The following KIAA1217 variants were observed in gnomAD, a reference collection of about 807,000 sequenced individuals.
KIAA1217 encodes KIAA1217, also known as sickle tail protein homolog.
In KIAA1217, 88 loss-of-function variants were observed where a neutral mutation model predicts 163.9. The ratio of observed to expected loss-of-function variants is 0.54; its 90% CI spans 0.45 to 0.64. KIAA1217 has a LOEUF of 0.64. Ranked by LOEUF, KIAA1217 falls within the 30% of genes least tolerant of loss-of-function variation. The probability of loss-of-function intolerance (pLI) is 0.00; values close to 1 mark genes in which losing one functional copy is unlikely to be tolerated. For synonymous variants in KIAA1217, 903 were observed against 923.1 expected, an observed-to-expected ratio of 0.98 and a Z score of 0.39; for missense variants, 2,372 against 2,475.0, an observed-to-expected ratio of 0.96 and a Z score of 0.88.
chr10:24,352,205 A>T (rs1439136073), intron 2 of KIAA1217, among the ~76,000 whole-genome samples: 2 of 152,240 alleles, frequency 1.3e-5, no homozygotes, highest in Non-Finnish European at 2.9e-5. Flanking sequence ...GCATTGGATT[A>T]AGCTTTCACC....
chr10:23,965,189 A>G, intron 1 of KIAA1217, among the ~76,000 whole-genome samples: 1 of 152,240 alleles, frequency 6.6e-6, no homozygotes, highest in East Asian at 1.9e-4. Context: ...GTATAATTTT[A>G]GAATGTTGTT....
chr10:24,287,119 C>T (rs550039511), intron 2 of KIAA1217, among the ~76,000 whole-genome samples: 6 of 151,622 alleles, frequency 4.0e-5, no homozygotes, highest in African/African-American at 7.3e-5. Flanking sequence ...GGTGTGATCT[C>T]GGCTCACTGC....
chr10:24,494,271 G>A (rs535554543), intron 6 of KIAA1217, among the ~76,000 whole-genome samples: 4 of 152,280 alleles, frequency 2.6e-5, no homozygotes, highest in South Asian at 4.1e-4. Flanking sequence ...GAGTTGGTCC[G>A]TGCTGTGTCT....
intron 2 of KIAA1217, among the ~76,000 whole-genome samples, chr10:24,086,843 C>A (rs1471175792): frequency 1.3e-5 from 2 of 152,160 alleles, no homozygotes; most frequent in Non-Finnish European, 2.9e-5. Context: ...CATGGGGTAA[C>A]CTTGACCCAG....
chr10:24,507,211 G>A (rs2068486836), intron 9 of KIAA1217, among the ~76,000 whole-genome samples: 1 of 152,188 alleles, frequency 6.6e-6, no homozygotes, highest in African/African-American at 2.4e-5. Context: ...TGGACTGTCT[G>A]CCAGAGAAAG....
intron 1 of KIAA1217, among the ~76,000 whole-genome samples, chr10:23,852,550 A>G (rs529144472): frequency 9.1e-4 from 138 of 152,320 alleles, no homozygotes; most frequent in African/African-American, 3.3e-3. Flanking sequence ...AATTCTGTGA[A>G]GAAAGCCATT....
chr10:24,505,083 T>C (rs930631196), intron 9 of KIAA1217, among the ~76,000 whole-genome samples: 8 of 152,044 alleles, frequency 5.3e-5, no homozygotes, highest in Admixed American at 2.6e-4. Flanking sequence ...CACTGGTGAC[T>C]CTAGAACATT....
intron 2 of KIAA1217, among the ~76,000 whole-genome samples, chr10:24,310,816 G>T (rs2042603838): frequency 6.6e-6 from 1 of 152,118 alleles, no homozygotes; most frequent in Non-Finnish European, 1.5e-5. Flanking sequence ...GGGCAACTTG[G>T]TGAAAACCCA....
chr10:23,724,210 G>A (rs1838014555), intron 1 of KIAA1217, among the ~76,000 whole-genome samples: 1 of 152,148 alleles, frequency 6.6e-6, no homozygotes, highest in Non-Finnish European at 1.5e-5. Context: ...TTAGATGTGA[G>A]ATTTGGGCAG....
Position 24,380,877 on chromosome 10 carries a change from C to A in KIAA1217, c.363C>A (p.Ser121Arg). 6.5e-7 allele frequency: 1 copy of A among 1,529,102 alleles called. No homozygotes were observed. The highest frequency in any genetic ancestry group is 8.8e-7 in the Non-Finnish European group (1 of 1,135,802). The allele number at this position is 1,529,102 out of a possible 1,614,324, so 94.7% of individuals were successfully genotyped here. A position where few individuals can be genotyped will look rare whatever the true frequency, so the allele number is the denominator to read the frequency against. ...HQERLRDQTR[S>R]PKLSHSPQPP... The stretch of plus-strand genomic sequence containing the variant: ...TAAAATGCCTTTTGCAGACAAGGAG[C>A]CCCAAACTGTCTCACAGTCCTCAAC... Residue 121 changes from serine to arginine, a missense_variant, in exon 3 of 21, where the codon AGC (serine) becomes AGA (arginine). Coordinates refer to ENST00000376454, the MANE Select transcript of KIAA1217 (RefSeq NM_019590.5).
intron 1 of KIAA1217, among the ~76,000 whole-genome samples, chr10:23,802,493 A>G (rs142002209): frequency 0.012 from 1,761 of 152,304 alleles, 13 homozygotes; most frequent in Middle Eastern, 0.075. Flanking sequence ...TTGTACACCC[A>G]GGTGTCTGAT....
chr10:24,337,587 G>T (rs970699281), intron 2 of KIAA1217, among the ~76,000 whole-genome samples: 1 of 144,326 alleles, frequency 6.9e-6, no homozygotes, highest in Non-Finnish European at 1.5e-5. Flanking sequence ...GTTTTGTGTG[G>T]TTTTTTTCTT....
At chr10:24,477,361 C>T (rs1379770727) in intron 6 of KIAA1217, among the ~76,000 whole-genome samples, 2 of 152,146 alleles carry the variant, frequency 1.3e-5, no homozygotes, top group Admixed American at 6.5e-5. Flanking sequence ...AACTGAGGCT[C>T]AGAGAGGTTA....
chr10:24,220,225 G>T (rs773756550), intron 2 of KIAA1217, among the ~76,000 whole-genome samples: 2 of 152,142 alleles, frequency 1.3e-5, no homozygotes, highest in African/African-American at 4.8e-5. Context: ...CATCTAAAGT[G>T]CAGGGAATGA....
chr10:24,249,872 A>C (rs548879304), intron 2 of KIAA1217, among the ~76,000 whole-genome samples: 1 of 152,058 alleles, frequency 6.6e-6, no homozygotes, highest in African/African-American at 2.4e-5. Context: ...TGTTTCTGAG[A>C]TCTCTAAGGT....
chr10:24,073,562 AGCACTTG>A (rs1439008608), intron 2 of KIAA1217, among the ~76,000 whole-genome samples: 1 of 152,230 alleles, frequency 6.6e-6, no homozygotes, highest in African/African-American at 2.4e-5. Flanking sequence ...GCTTAGGTCT[AGCACTTG>A]GCATTTGAGA....
chr10:24,039,034 G>A (rs1045628098), intron 2 of KIAA1217, among the ~76,000 whole-genome samples: 6 of 152,162 alleles, frequency 3.9e-5, no homozygotes, highest in East Asian at 1.9e-4. Context: ...ATGAGCCACC[G>A]CACCCAGCTG....
chr10:24,457,868 G>A (rs989405551), intron 5 of KIAA1217, among the ~76,000 whole-genome samples: 3 of 152,192 alleles, frequency 2.0e-5, no homozygotes, highest in Admixed American at 2.0e-4. Flanking sequence ...GTCATATGGA[G>A]CATGACTTAT....
intron 5 of KIAA1217, among the ~76,000 whole-genome samples, chr10:24,452,708 A>G (rs2061481388): frequency 6.6e-6 from 1 of 151,330 alleles, no homozygotes; most frequent in Admixed American, 6.7e-5. Context: ...AATAGAATGA[A>G]TGAGACCTAG....
Sources: gnomAD v4.1 joint callset for allele counts (sites outside exome capture counted in the v4.1 genomes callset) on GRCh38, gnomAD v4.1.1 for gene constraint, MANE v1.5 for transcripts, NCBI Gene and HGNC (gene_info 2026-07-23, HGNC 2026-07-21) for gene names.